Variants in CSMD1 observed in about 807,000 individuals in gnomAD.
CSMD1 encodes the protein CUB and sushi domain-containing protein 1.
Under a neutral mutation model 417.5 loss-of-function variants are expected in CSMD1, and 213 were observed. That is an observed-to-expected ratio of 0.51 (90% CI 0.46 to 0.57). The LOEUF (loss-of-function observed/expected upper bound fraction) is 0.57. Ranked by LOEUF, CSMD1 falls within the 20% of genes least tolerant of loss-of-function variation. The pLI, the probability that CSMD1 is intolerant of heterozygous loss-of-function variation, is 0.00. For synonymous variants in CSMD1, 2,862 were observed against 1,736.8 expected (o/e 1.65, Z -16.11); for missense variants, 6,923 against 4,529.7 (o/e 1.53, Z -15.17).
chr8:3,638,701 C>T (rs2406991), intron 7 of CSMD1, among the ~76,000 whole-genome samples: 1 of 151,902 alleles, frequency 6.6e-6, no homozygotes, highest in Non-Finnish European at 1.5e-5. Context: ...GACACATGGG[C>T]AAAAGGCTTG....
intron 41 of CSMD1, chr8:3,128,894 G>C (rs769902730): frequency 1.5e-5 from 7 of 454,508 alleles, no homozygotes; most frequent in African/African-American, 6.0e-5. Flanking sequence ...AATGTTTCCA[G>C]ATCCTCCTAT....
At chr8:4,297,301 A>T (rs1381229641) in intron 3 of CSMD1, among the ~76,000 whole-genome samples, 2 of 152,170 alleles carry the variant, frequency 1.3e-5, no homozygotes, top group Non-Finnish European at 2.9e-5. Context: ...TATCTTACAT[A>T]AGATACTGAG....
At chr8:4,130,665 G>C (rs953269078) in intron 3 of CSMD1, among the ~76,000 whole-genome samples, 8 of 152,170 alleles carry the variant, frequency 5.3e-5, no homozygotes, top group South Asian at 2.1e-4. Context: ...TAATCATTTT[G>C]TGATTATAAT....
In CSMD1 at chr8:2,998,108, C is replaced by T; in HGVS notation, c.8280G>A (p.Val2760=). 6.2e-7 allele frequency: 1 copy of T among 1,614,024 alleles called. No homozygotes were observed. Among genetic ancestry groups the T allele is most frequent in the Non-Finnish European group, 8.5e-7 (1 of 1,179,886 alleles). Residue 2760 remains valine, a synonymous_variant, in exon 54 of 70, where the codon GTG becomes GTA. Coordinates refer to ENST00000635120, the MANE Select transcript of CSMD1 (RefSeq NM_033225.6). ...NGSEFNLNDV[V]NFTCNTGYLL... The stretch of plus-strand genomic sequence containing the variant: ...AATAGCCCGTGTTGCAGGTGAAATT[C>T]ACGACATCATTCAGGTTGAACTCAC...
chr8:4,784,989 C>T (rs538495607), intron 1 of CSMD1, among the ~76,000 whole-genome samples: 9 of 152,192 alleles, frequency 5.9e-5, no homozygotes, highest in Non-Finnish European at 7.3e-5. Context: ...TGGAAGTCCT[C>T]AAGTTTTAAC....
intron 2 of CSMD1, among the ~76,000 whole-genome samples, chr8:4,620,633 A>T (rs1801723082): frequency 6.6e-6 from 1 of 151,928 alleles, no homozygotes; most frequent in South Asian, 2.1e-4. Context: ...AAATATATGA[A>T]ATCATACAAC....
At chr8:3,491,720 A>C (rs1245580862) in intron 11 of CSMD1, among the ~76,000 whole-genome samples, 1 of 152,244 alleles carries the variant, frequency 6.6e-6, no homozygotes, top group Non-Finnish European at 1.5e-5. Context: ...ATAAGTAATC[A>C]ATAAATAAGG....
At chr8:4,564,625 C>T (rs572758499) in intron 2 of CSMD1, among the ~76,000 whole-genome samples, 1 of 152,298 alleles carries the variant, frequency 6.6e-6, no homozygotes, top group Non-Finnish European at 1.5e-5. Context: ...AGTTTTGTCA[C>T]ATAAACTAAT....
At chr8:4,765,844 A>T (rs1812428890) in intron 1 of CSMD1, among the ~76,000 whole-genome samples, 1 of 152,192 alleles carries the variant, frequency 6.6e-6, no homozygotes, top group Non-Finnish European at 1.5e-5. Context: ...AGAGCTTAGT[A>T]ACTGGGCTGA....
chr8:3,339,916 G>A (rs1223447504), intron 23 of CSMD1, among the ~76,000 whole-genome samples: 1 of 152,168 alleles, frequency 6.6e-6, no homozygotes, highest in Non-Finnish European at 1.5e-5. Flanking sequence ...AAAAAGCAGT[G>A]TTTTCTAACG....
At chr8:4,007,471 T>A (rs1357127627) in intron 4 of CSMD1, among the ~76,000 whole-genome samples, 2 of 152,056 alleles carry the variant, frequency 1.3e-5, no homozygotes, top group Non-Finnish European at 1.5e-5. Context: ...TCAGAGCCCC[T>A]CACAAGGCAC....
intron 3 of CSMD1, among the ~76,000 whole-genome samples, chr8:4,185,295 T>A (rs1200706551): frequency 6.6e-6 from 1 of 152,156 alleles, no homozygotes; most frequent in East Asian, 1.9e-4. Flanking sequence ...TTGTTTAATC[T>A]TTTTGTTTTA....
intron 3 of CSMD1, among the ~76,000 whole-genome samples, chr8:4,151,614 A>T (rs1796573835): frequency 6.6e-6 from 1 of 152,176 alleles, no homozygotes; most frequent in Non-Finnish European, 1.5e-5. Flanking sequence ...GGATTGTGAC[A>T]TGTAGTTTCA....
At chr8:4,712,880 G>A (rs1035765417) in intron 1 of CSMD1, among the ~76,000 whole-genome samples, 1 of 152,162 alleles carries the variant, frequency 6.6e-6, no homozygotes, top group African/African-American at 2.4e-5. Context: ...CATCCATGCC[G>A]ATGGATGGAA....
At chr8:3,508,025 G>C (rs190972937) in intron 10 of CSMD1, among the ~76,000 whole-genome samples, 43 of 152,198 alleles carry the variant, frequency 2.8e-4, no homozygotes, top group African/African-American at 1.0e-3. Context: ...GATCCCATTT[G>C]TCAATTTTGG....
In CSMD1 at chr8:4,776,594, G is replaced by A. The variant is rs188168721; in HGVS notation, c.86-139036C>T. On this transcript the variant is annotated intron_variant, in intron 1 of 69. Coordinates refer to ENST00000635120, the MANE Select transcript of CSMD1 (RefSeq NM_033225.6). ...TCTCCACTTCTGCATAAACGTTCGC[G>A]TTCAATGATACCTCCAGGTACTATC... Among the ~76,000 whole-genome samples the A allele has an allele frequency of 3.5e-4, 53 of 152,188 alleles. No individual in the cohort carries two copies. In the East Asian group the frequency reaches 4.5e-3, roughly 13 times the overall value.
intron 7 of CSMD1, among the ~76,000 whole-genome samples, chr8:3,676,749 G>C (rs1185531180): frequency 6.6e-6 from 1 of 152,056 alleles, no homozygotes; most frequent in African/African-American, 2.4e-5. Context: ...AATAAACATA[G>C]CAAACACTTG....
chr8:3,864,798 G>A (rs761367895), intron 5 of CSMD1, among the ~76,000 whole-genome samples: 24 of 152,160 alleles, frequency 1.6e-4, no homozygotes, highest in Non-Finnish European at 2.8e-4. Flanking sequence ...TAGCTCTTCA[G>A]GGTCTAAAGA....
chr8:4,867,302 T>G (rs1379322), intron 1 of CSMD1, among the ~76,000 whole-genome samples: 4 of 151,970 alleles, frequency 2.6e-5, no homozygotes, highest in African/African-American at 9.7e-5. Context: ...GGAAAATTAA[T>G]TGCCCCACTG....
Sources: gnomAD v4.1 joint callset for allele counts (sites outside exome capture counted in the v4.1 genomes callset) on GRCh38, gnomAD v4.1.1 for gene constraint, MANE v1.5 for transcripts, NCBI Gene and HGNC (gene_info 2026-07-23, HGNC 2026-07-21) for gene names.